Variants in MYCBP2 observed in about 807,000 individuals in gnomAD.
MYCBP2 encodes E3 ubiquitin-protein ligase MYCBP2.
In MYCBP2, 120 loss-of-function variants were observed where a neutral mutation model predicts 525.3. The ratio of observed to expected loss-of-function variants is 0.23; its 90% CI spans 0.20 to 0.27. The LOEUF (loss-of-function observed/expected upper bound fraction) is 0.27, where lower values mean the gene tolerates loss of function less well. MYCBP2 is among the 10% of genes least tolerant of loss of function. The pLI, the probability that MYCBP2 is intolerant of heterozygous loss-of-function variation, is 1.00. For missense variants in MYCBP2, 4,149 were observed against 5,657.1 expected, an observed-to-expected ratio of 0.73 and a Z score of 8.55; for synonymous variants, 1,894 against 1,955.8, an observed-to-expected ratio of 0.97 and a Z score of 0.83.
At chr13:77,060,969 G>A (rs2039185343) in intron 76 of MYCBP2, among the ~76,000 whole-genome samples, 200 bp downstream of exon 76, 3 of 152,128 alleles carry the variant, frequency 2.0e-5, no homozygotes, top group Admixed American at 2.0e-4. Context: ...GCTAGTTAGT[G>A]GCAAATCAGG....
At chr13:77,206,321 A>G (rs1478345480) in intron 24 of MYCBP2, among the ~76,000 whole-genome samples, 1 of 150,178 alleles carries the variant, frequency 6.7e-6, no homozygotes, top group African/African-American at 2.4e-5. Context: ...GAATTTATTT[A>G]ACATAATATA....
intron 46 of MYCBP2, among the ~76,000 whole-genome samples, chr13:77,153,298 G>A (rs1336681162): frequency 6.6e-6 from 1 of 152,092 alleles, no homozygotes; most frequent in Non-Finnish European, 1.5e-5. Context: ...TGCTGCTGTG[G>A]GGCTGGAGCC....
intron 46 of MYCBP2, among the ~76,000 whole-genome samples, chr13:77,153,751 A>G (rs200685646): frequency 2.5e-3 from 16 of 6,524 alleles, no homozygotes; most frequent in Non-Finnish European, 5.2e-3. Context: ...CTTAAAATAA[A>G]CTTTTTTTTT....
At chr13:77,113,111 G>A (rs866409193) in intron 55 of MYCBP2, among the ~76,000 whole-genome samples, 25 of 152,104 alleles carry the variant, frequency 1.6e-4, no homozygotes, top group African/African-American at 6.0e-4. Flanking sequence ...GTGATTCATT[G>A]GATCTCTGTA....
At chr13:77,309,999 C>T (rs961088511) in intron 1 of MYCBP2, among the ~76,000 whole-genome samples, 7 of 152,014 alleles carry the variant, frequency 4.6e-5, no homozygotes, top group African/African-American at 1.7e-4. Context: ...GTAGTCCCTG[C>T]TATGTAGAAG....
intron 55 of MYCBP2, chr13:77,103,195 G>A: frequency 2.5e-6 from 1 of 397,650 alleles, no homozygotes; most frequent in Non-Finnish European, 4.4e-6. Flanking sequence ...ATCCATGAAT[G>A]CATGTATACC....
At chr13:77,205,925 G>T (rs956480711) in intron 24 of MYCBP2, among the ~76,000 whole-genome samples, 1 of 152,014 alleles carries the variant, frequency 6.6e-6, no homozygotes, top group Non-Finnish European at 1.5e-5. Flanking sequence ...GCTATTTGAG[G>T]AAGACACATT....
At chr13:77,070,308 A>G (rs1487365791) in intron 69 of MYCBP2, among the ~76,000 whole-genome samples, 1 of 152,214 alleles carries the variant, frequency 6.6e-6, no homozygotes, top group Non-Finnish European at 1.5e-5. Flanking sequence ...CTTTATACCA[A>G]GCTCATCCAA....
In MYCBP2 at chr13:77,077,271, G is replaced by A; in HGVS notation, c.11601C>T (p.Val3867=). 6.2e-7 allele frequency: 1 copy of A among 1,613,994 alleles called. No homozygotes were observed. The highest frequency in any genetic ancestry group is 8.5e-7 in the Non-Finnish European group (1 of 1,179,964). Residue 3867 remains valine (V), a synonymous_variant, in exon 67 of 83, where the codon GTC becomes GTT. Coordinates refer to ENST00000544440, the MANE Select transcript of MYCBP2 (RefSeq NM_015057.5). ...GPENTLRVRQ[V]KVLGWKDGES... Reference sequence around the variant, plus strand: ...CACCATCTTTCCAGCCCAGGACTTTGACTTGTCGAACTCTCAGTGTATTTT... The same window carrying A: ...CACCATCTTTCCAGCCCAGGACTTTAACTTGTCGAACTCTCAGTGTATTTT...
rs2038575780 is a variant in MYCBP2 at position 77,058,344 on chromosome 13, T to A, written c.13203A>T (p.Lys4401Asn). 1 of 1,613,986 alleles carries A rather than the reference T, an allele frequency of 6.2e-7. No individual in the cohort carries two copies. The highest frequency in any genetic ancestry group is 1.1e-5 in the South Asian group (1 of 91,086). The change falls in exon 78 of 83, where the codon AAA (lysine) becomes AAT (asparagine). Residue 4401 changes from lysine to asparagine, a missense_variant. Physicochemically the swap from Lys to Asn is moderately conservative, Grantham distance 94. Transcript: ENST00000544440. This position sits in a 1 kb window ranked among gnomAD's most constrained non-coding sequence, Gnocchi z 4.1. ...GACAGGGCAGACAGTGCTCTTCGTT[T>A]TTAACACCCCCGCATGGATGGCCAC... ...HPCGHPCGGV[K>N]NEEHCLPCLH... is the part of the protein sequence containing the mutation.
chr13:77,232,517 G>C (rs535485093), intron 18 of MYCBP2, among the ~76,000 whole-genome samples: 1 of 152,254 alleles, frequency 6.6e-6, no homozygotes, highest in Admixed American at 6.5e-5. Context: ...AGAACTCTGA[G>C]ATCTCAAAGG....
In MYCBP2 at chr13:77,233,182, A is replaced by G. The variant is rs772607997; in HGVS notation, c.2711T>C (p.Leu904Pro). 3.7e-6 allele frequency: 6 copies of G among 1,613,868 alleles called. No individual in the cohort carries two copies. The highest frequency in any genetic ancestry group is 5.1e-6 in the Non-Finnish European group (6 of 1,179,790). ...TTTGTGCTTGTCCCGTTTATGCTTT[A>G]GCTGTGCTGGATGGGATCTGAGTCT... ...LARLRSHPAQ[L>P]KHKRDKHKDG... Residue 904 changes from leucine (L) to proline (P), a missense_variant, in exon 18 of 83, where the codon CTA becomes CCA. Physicochemically the swap from Leu to Pro is moderately conservative, Grantham distance 98 (BLOSUM62 -3). Transcript: ENST00000544440.
intron 21 of MYCBP2, among the ~76,000 whole-genome samples, chr13:77,215,037 C>T (rs1291696644): frequency 1.3e-5 from 2 of 152,022 alleles, no homozygotes; most frequent in Non-Finnish European, 2.9e-5. Flanking sequence ...AAAACAATGA[C>T]ATTCATTACC....
At chr13:77,119,400 C>A (rs571403935) in intron 55 of MYCBP2, among the ~76,000 whole-genome samples, 1 of 152,128 alleles carries the variant, frequency 6.6e-6, no homozygotes, top group East Asian at 1.9e-4. Flanking sequence ...AAAATTTCAA[C>A]TGAAGTACCT....
intron 55 of MYCBP2, among the ~76,000 whole-genome samples, chr13:77,104,121 G>C (rs908682941): frequency 1.3e-5 from 2 of 152,012 alleles, no homozygotes; most frequent in Non-Finnish European, 2.9e-5. Context: ...TGTATTTAAA[G>C]TTTTTAACTC....
chr13:77,244,236 C>G (rs1202818640), intron 15 of MYCBP2, among the ~76,000 whole-genome samples: 1 of 152,130 alleles, frequency 6.6e-6, no homozygotes, highest in South Asian at 2.1e-4. Flanking sequence ...AAAAACAATC[C>G]TTTAAAAGTC....
At chr13:77,260,330 A>G (rs2073047764) in intron 13 of MYCBP2, 98 bp downstream of exon 13, 7 of 807,296 alleles carry the variant, frequency 8.7e-6, no homozygotes, top group Non-Finnish European at 1.1e-5. Context: ...AATGTAGAGA[A>G]AGCATGCCAC....
In MYCBP2 at chr13:77,174,460, C is replaced by G. The variant is rs1177067241; in HGVS notation, c.5502G>C (p.Arg1834Ser). The G allele has an allele frequency of 6.2e-7, 1 of 1,613,992 alleles. No individual in the cohort carries two copies. Among genetic ancestry groups the G allele is most frequent in the East Asian group, 2.2e-5 (1 of 44,874 alleles). ...KENVKYAVRL[R>S]NYGSRTANGD... ...CATTGGCTGTACGGCTTCCATAGTT[C>G]CTCAAGCGCACAGCATATTTAACAT... Residue 1834 changes from arginine to serine, a missense_variant, in exon 37 of 83, where the codon AGG (arginine) becomes AGC (serine). Physicochemically the swap from Arg to Ser is moderately radical, Grantham distance 110. Transcript: ENST00000544440.
At chr13:77,061,895 C>T in intron 74 of MYCBP2, 105 bp from the exon 75 acceptor site, 1 of 1,186,614 alleles carries the variant, frequency 8.4e-7, no homozygotes, top group Non-Finnish European at 1.1e-6. Flanking sequence ...ATTCGGAAGT[C>T]TATTAAGAAT....
Sources: allele counts gnomAD v4.1 joint callset (sites outside exome capture counted in the v4.1 genomes callset), GRCh38; gene constraint gnomAD v4.1.1; non-coding constraint Gnocchi (gnomAD v3.1); transcripts MANE v1.5; gene names NCBI Gene and HGNC (gene_info 2026-07-23, HGNC 2026-07-21).